COL4A4: variants seen among roughly 807,000 people sequenced by gnomAD.
COL4A4 encodes collagen type IV alpha 4 chain, also known as collagen alpha-4(IV) chain.
COL4A4 carries 105 observed loss-of-function variants against 192.9 expected under a neutral mutation model. The ratio of observed to expected loss-of-function variants is 0.54; its 90% CI spans 0.46 to 0.64. COL4A4 has a LOEUF of 0.64. Among genes scored for constraint, COL4A4 ranks in the 30% least tolerant of loss-of-function variants. The pLI is 0.00. For synonymous variants in COL4A4, 762 were observed against 769.9 expected (o/e 0.99, Z 0.17); for missense variants, 1,967 against 2,169.3 (o/e 0.91, Z 1.85).
At chr2:226,995,319 T>G in the COL4A4 span, 1 of 686,970 alleles carries the variant, frequency 1.5e-6, no homozygotes, top group Non-Finnish European at 2.6e-6. Context: ...TTCTGTTTTG[T>G]GTTAAAATGA....
intron 37 of COL4A4, among the ~76,000 whole-genome samples, chr2:227,041,856 A>AAGAGAGAGAGAG (rs1237060194): frequency 1.2e-4 from 12 of 97,040 alleles, no homozygotes; most frequent in African/African-American, 1.9e-4. Context: ...AAGAGAAAGA[A>AAGAGAGAGAGAG]AGAAAGAAAG....
intron 35 of COL4A4, among the ~76,000 whole-genome samples, chr2:227,044,650 G>A (rs1972090026): frequency 6.6e-6 from 1 of 152,006 alleles, no homozygotes; most frequent in African/African-American, 2.4e-5. Context: ...AATTTTGTGG[G>A]GTTGTGTTAA....
At chr2:227,139,191 C>T (rs549864411) in intron 4 of COL4A4, among the ~76,000 whole-genome samples, 2 of 152,162 alleles carry the variant, frequency 1.3e-5, no homozygotes, top group Non-Finnish European at 2.9e-5. Flanking sequence ...ACTGGATCTG[C>T]CAGCACCTTG....
chr2:227,108,283 C>T (rs1039609884), intron 12 of COL4A4, among the ~76,000 whole-genome samples: 9 of 151,984 alleles, frequency 5.9e-5, no homozygotes, highest in South Asian at 2.1e-4. Flanking sequence ...AAAACAAATC[C>T]GTGATTTGAC....
chr2:227,056,513 T>C (rs762581606), intron 29 of COL4A4, among the ~76,000 whole-genome samples: 9 of 152,224 alleles, frequency 5.9e-5, no homozygotes, highest in Non-Finnish European at 1.2e-4. Flanking sequence ...GCTAGAAATA[T>C]GGCTGTAGCG....
chr2:227,057,705 C>T, intron 28 of COL4A4, 105 bp from the exon 29 acceptor site: 2 of 1,193,432 alleles, frequency 1.7e-6, no homozygotes, highest in Admixed American at 1.9e-5. Context: ...CATTTTCATC[C>T]TGAATCAGTG....
chr2:227,124,721 G>A (rs183983204), intron 4 of COL4A4, among the ~76,000 whole-genome samples: 122 of 152,306 alleles, frequency 8.0e-4, no homozygotes, highest in Non-Finnish European at 1.4e-3. Flanking sequence ...TCTAAACTAC[G>A]ATCTAAAAGT....
In COL4A4 at chr2:227,008,108, G is replaced by A; in HGVS notation, c.4719C>T (p.Ala1573=). 6.2e-7 allele frequency: 1 copy of A among 1,614,086 alleles called. No individual in the cohort carries two copies. The highest frequency in any genetic ancestry group is 8.5e-7 in the Non-Finnish European group (1 of 1,180,006). ...CCTGGCTGTGCACCGCCACCGCCTG[G>A]GCCGGGGCCTCGCATACCGCACAGC... ...VSRCAVCEAP[A]QAVAVHSQDQ... is the part of the protein sequence containing the mutation. The change falls in exon 47 of 48, where the codon GCC becomes GCT. Residue 1573 remains alanine, a synonymous_variant. Coordinates refer to ENST00000396625, the MANE Select transcript of COL4A4 (RefSeq NM_000092.5).
At position 227,144,515 on chromosome 2, in the gene COL4A4, C is replaced by T. The variant is rs1553712110; in HGVS notation, c.114+1G>A. The T allele has an allele frequency of 6.2e-7, 1 of 1,608,940 alleles. No individual in the cohort carries two copies. The highest frequency in any genetic ancestry group is 1.3e-5 in the African/African-American group (1 of 74,782). ...CAACCAGAGCTAGTGAATGTACTTA[C>T]CCCATATACATATTGTACAGAAAAG... On this transcript the variant is annotated splice_donor_variant, in intron 3 of 47. Coordinates refer to ENST00000396625, the MANE Select transcript of COL4A4 (RefSeq NM_000092.5). LOFTEE classifies it high-confidence loss of function.
rs757430966 is a variant in COL4A4, at chr2:227,032,154, G to A, written c.3700C>T (p.Pro1234Ser). Reference protein sequence around the residue: ...GPRGKKGPPGPPGSSGPPGPA... With the variant: ...GPRGKKGPPGSPGSSGPPGPA... ...AAAGCATGCTACAGCTTACCTGGGG[G>A]TCCTGGGGGACCTTTCTTTCCACGA... is the stretch of plus-strand genomic sequence containing the variant. Residue 1234 changes from proline (P) to serine (S), a missense_variant, in exon 39 of 48, where the codon CCC becomes TCC. Pro to Ser is a moderately conservative substitution (Grantham distance 74). Transcript: ENST00000396625. 1 of 1,614,198 alleles carries A rather than the reference G, an allele frequency of 6.2e-7. No homozygotes were observed. Among genetic ancestry groups the A allele is most frequent in the Admixed American group, 1.7e-5 (1 of 60,030 alleles).
intron 10 of COL4A4, 22 bp from the exon 11 acceptor site, chr2:227,108,890 C>T: frequency 6.2e-7 from 1 of 1,609,682 alleles, no homozygotes; most frequent in African/African-American, 1.3e-5. Context: ...GAGAAAAAAA[C>T]ACAAATCAAT....
At chr2:226,987,679 G>A in the COL4A4 span, among the ~76,000 whole-genome samples, 2 of 152,226 alleles carry the variant, frequency 1.3e-5, no homozygotes, top group Admixed American at 1.3e-4. Flanking sequence ...GCCCAGGGAG[G>A]GAAGTGACCT....
At chr2:226,988,144 A>G in the COL4A4 span, among the ~76,000 whole-genome samples, 3 of 152,168 alleles carry the variant, frequency 2.0e-5, no homozygotes, top group African/African-American at 2.4e-5. Flanking sequence ...GTGTATTATC[A>G]TTTAAACACT....
At chr2:227,062,714 A>G (rs1320291735) in intron 25 of COL4A4, 116 bp from the exon 26 acceptor site, 1 of 747,842 alleles carries the variant, frequency 1.3e-6, no homozygotes, top group Non-Finnish European at 2.4e-6. Context: ...CAGAAGTCAA[A>G]GAAAAAGAAG....
chr2:227,054,526 G>C, intron 31 of COL4A4, 68 bp downstream of exon 31: 2 of 1,552,336 alleles, frequency 1.3e-6, no homozygotes, highest in Non-Finnish European at 1.8e-6. Flanking sequence ...ATTTTTCAGA[G>C]ATCACATTTC....
chr2:227,054,986 C>T (rs1974982257), intron 30 of COL4A4, among the ~76,000 whole-genome samples: 1 of 152,080 alleles, frequency 6.6e-6, no homozygotes, highest in South Asian at 2.1e-4. Flanking sequence ...GACGGAGTTT[C>T]ACCATGTTGG....
At chr2:226,984,992 T>A in the COL4A4 span, among the ~76,000 whole-genome samples, 1 of 150,482 alleles carries the variant, frequency 6.6e-6, no homozygotes, top group African/African-American at 2.4e-5. Flanking sequence ...AAGTGGGGGG[T>A]TTGAGTGAAA....
At chr2:227,031,866 C>A (rs528579548) in intron 40 of COL4A4, 79 bp downstream of exon 40, 4 of 1,060,028 alleles carry the variant, frequency 3.8e-6, no homozygotes, top group Non-Finnish European at 5.8e-6. Flanking sequence ...TTCTGCCACT[C>A]TCTGGTCCCA....
Position 227,051,090 on chromosome 2 carries a change from G to T in COL4A4, c.3037C>A (p.His1013Asn). The change falls in exon 33 of 48, where the codon CAC becomes AAC. Residue 1013 changes from histidine to asparagine, a missense_variant. His to Asn is a moderately conservative substitution (Grantham distance 68). Coordinates refer to ENST00000396625, the MANE Select transcript of COL4A4 (RefSeq NM_000092.5). The stretch of plus-strand genomic sequence containing the variant: ...CCTTTCTCACCAGGTTCCCCTCTGT[G>T]AAATCCAGGTGGTCCGTATCTTCCC... ...EPGRYGPPGF[H>N]RGEPGEKGQP... 6.2e-7 allele frequency: 1 copy of T among 1,614,144 alleles called. No individual in the cohort carries two copies. The highest frequency in any genetic ancestry group is 8.5e-7 in the Non-Finnish European group (1 of 1,180,012).
Sources: gnomAD v4.1 joint callset for allele counts (sites outside exome capture counted in the v4.1 genomes callset) on GRCh38, gnomAD v4.1.1 for gene constraint, MANE v1.5 for transcripts, NCBI Gene and HGNC (gene_info 2026-07-23, HGNC 2026-07-21) for gene names.